CLSTN2: variants seen among roughly 807,000 people sequenced by gnomAD.
CLSTN2 encodes the protein calsyntenin 2.
A neutral mutation model predicts 101.2 loss-of-function variants in CLSTN2; 48 were observed. The ratio of observed to expected loss-of-function variants is 0.47; its 90% CI spans 0.38 to 0.60. The LOEUF (loss-of-function observed/expected upper bound fraction) is 0.60, where lower values mean the gene tolerates loss of function less well. Among genes scored for constraint, CLSTN2 ranks in the 20% least tolerant of loss-of-function variants. CLSTN2 has a pLI of 0.00. For synonymous variants in CLSTN2, 481 were observed against 463.6 expected (o/e 1.04, Z -0.48); for missense variants, 1,160 against 1,238.2 (o/e 0.94, Z 0.95).
intron 2 of CLSTN2, among the ~76,000 whole-genome samples, chr3:140,383,664 A>G (rs903879660): frequency 1.4e-4 from 21 of 152,202 alleles, no homozygotes; most frequent in Non-Finnish European, 7.3e-5. Context: ...GCCTTCTACA[A>G]ATATCCACTA....
intron 2 of CLSTN2, among the ~76,000 whole-genome samples, chr3:140,222,255 G>A (rs2086281230): frequency 6.6e-6 from 1 of 152,112 alleles, no homozygotes; most frequent in African/African-American, 2.4e-5. Flanking sequence ...TTATTAGTAA[G>A]AGCTAAAAAT....
chr3:140,405,872 A>C (rs931748569), intron 4 of CLSTN2, among the ~76,000 whole-genome samples: 15 of 152,238 alleles, frequency 9.9e-5, no homozygotes, highest in African/African-American at 3.6e-4. Flanking sequence ...TTCCAATAAG[A>C]TTTAAGTAGC....
intron 2 of CLSTN2, among the ~76,000 whole-genome samples, chr3:140,278,356 A>G (rs563500026): frequency 6.5e-3 from 116 of 17,946 alleles, no homozygotes; most frequent in African/African-American, 0.01. Context: ...AGGGCTCAAC[A>G]CTTGAGCGAG....
chr3:140,026,318 G>A (rs993027984), intron 1 of CLSTN2, among the ~76,000 whole-genome samples: 2 of 152,168 alleles, frequency 1.3e-5, no homozygotes, highest in Non-Finnish European at 2.9e-5. Flanking sequence ...TTCCCAGACA[G>A]AAATGATATT....
rs1003110516 is a variant in CLSTN2, at chr3:139,962,284, G to A, written c.109+26801G>A. On this transcript the variant is annotated intron_variant, in intron 1 of 16. Transcript: ENST00000458420. ...CTGTCATTTTTAACAGGTTTAATTAGCATATAATAAAGTGCACATATTGAA... is the reference window on the plus strand; with the variant it reads ...CTGTCATTTTTAACAGGTTTAATTAACATATAATAAAGTGCACATATTGAA... Among the ~76,000 whole-genome samples, 8 of 152,112 alleles carry A rather than the reference G, an allele frequency of 5.3e-5. No individual in the cohort carries two copies. In the South Asian group the frequency reaches 1.5e-3, roughly 28 times the overall value.
chr3:140,197,363 A>ACATATAT (rs1397454896), intron 2 of CLSTN2, among the ~76,000 whole-genome samples: 1 of 152,222 alleles, frequency 6.6e-6, no homozygotes, highest in Non-Finnish European at 1.5e-5. Context: ...GGGGGACTAT[A>ACATATAT]CATATATGTG....
Position 140,404,509 on chromosome 3 carries a change from T to C in CLSTN2, c.429-49T>C, listed in dbSNP as rs761552233. On this transcript the variant is annotated intron_variant, in intron 3 of 16. Coordinates refer to ENST00000458420, the MANE Select transcript of CLSTN2 (RefSeq NM_022131.3). ...GCCCCCAGGAGGTACAGGAGGTTGG[T>C]GTGACTCTTTCTTTACCACCATCCC... 291 of 1,564,906 alleles carry C rather than the reference T, an allele frequency of 1.9e-4. 3 individuals carry two copies. In the Admixed American group the frequency reaches 4.7e-3, roughly 25 times the overall value.
At chr3:139,955,965 G>T (rs182746104) in intron 1 of CLSTN2, among the ~76,000 whole-genome samples, 129 of 152,266 alleles carry the variant, frequency 8.5e-4, no homozygotes, top group African/African-American at 2.2e-3. Context: ...ACATATCTTC[G>T]TTAAGTTGCA....
intron 7 of CLSTN2, 113 bp from the exon 8 acceptor site, chr3:140,466,497 G>A: frequency 8.3e-7 from 1 of 1,203,706 alleles, no homozygotes; most frequent in Middle Eastern, 2.2e-4. Flanking sequence ...GAAGACTGGA[G>A]TGCCCATGCC....
chr3:140,054,425 GA>G (rs199906366), intron 1 of CLSTN2, among the ~76,000 whole-genome samples: 11 of 150,954 alleles, frequency 7.3e-5, no homozygotes, highest in Admixed American at 2.6e-4. Context: ...AGATATCTGT[GA>G]AAAAAAAATG....
At chr3:140,514,873 G>A (rs1934886818) in intron 8 of CLSTN2, among the ~76,000 whole-genome samples, 1 of 152,050 alleles carries the variant, frequency 6.6e-6, no homozygotes, top group Non-Finnish European at 1.5e-5. Context: ...AGATATTAGG[G>A]TGACACTAGC....
At chr3:140,180,445 T>C (rs1028973499) in intron 2 of CLSTN2, among the ~76,000 whole-genome samples, 6 of 152,214 alleles carry the variant, frequency 3.9e-5, no homozygotes, top group African/African-American at 1.4e-4. Context: ...GTCTGAGCTC[T>C]GTAGATTTGA....
At position 140,292,984 on chromosome 3, in the gene CLSTN2, G is replaced by A. The variant is rs894768650; in HGVS notation, c.233-110645G>A. 3.9e-5 allele frequency among the ~76,000 whole-genome samples: 6 copies of A among 152,286 alleles called. No homozygotes were observed. The East Asian group carries it at 9.7e-4, about 25-fold the overall frequency. Reference sequence around the variant, plus strand: ...CAGGCAGTTAGTAAACTGTCCCTGCGGACTTAGAGTAGACGTGAGATAAAC... The same window carrying A: ...CAGGCAGTTAGTAAACTGTCCCTGCAGACTTAGAGTAGACGTGAGATAAAC... On this transcript the variant is annotated intron_variant, in intron 2 of 16. Coordinates refer to ENST00000458420, the MANE Select transcript of CLSTN2 (RefSeq NM_022131.3).
intron 4 of CLSTN2, among the ~76,000 whole-genome samples, chr3:140,419,252 G>T (rs974336068): frequency 6.6e-6 from 1 of 150,924 alleles, no homozygotes; most frequent in African/African-American, 2.4e-5. Context: ...GGAGGATGAG[G>T]CAGGTGGATC....
At chr3:140,264,028 T>A (rs2086674976) in intron 2 of CLSTN2, among the ~76,000 whole-genome samples, 1 of 152,126 alleles carries the variant, frequency 6.6e-6, no homozygotes, top group African/African-American at 2.4e-5. Context: ...TCACAGTTAT[T>A]TGTAGGCATG....
intron 2 of CLSTN2, among the ~76,000 whole-genome samples, chr3:140,207,661 G>GA (rs1187749457): frequency 6.6e-6 from 1 of 152,094 alleles, no homozygotes; most frequent in African/African-American, 2.4e-5. Flanking sequence ...TGTGCCTATT[G>GA]AAAATCCTCC....
chr3:140,302,860 A>T (rs905306360), intron 2 of CLSTN2, among the ~76,000 whole-genome samples: 3 of 152,160 alleles, frequency 2.0e-5, no homozygotes, highest in Non-Finnish European at 2.9e-5. Context: ...GTGTGGAGTC[A>T]GGTGGGCTCA....
At chr3:140,202,803 C>T (rs987648296) in intron 2 of CLSTN2, among the ~76,000 whole-genome samples, 3 of 152,086 alleles carry the variant, frequency 2.0e-5, no homozygotes, top group South Asian at 2.1e-4. Flanking sequence ...ATAGAAGGAG[C>T]GTGGAAGAGA....
chr3:140,283,435 T>C (rs2086866826), intron 2 of CLSTN2, among the ~76,000 whole-genome samples: 1 of 152,178 alleles, frequency 6.6e-6, no homozygotes, highest in Admixed American at 6.5e-5. Context: ...AGGTGATTCA[T>C]GCTTCCCTTT....
Sources: gnomAD v4.1 joint callset for allele counts (sites outside exome capture counted in the v4.1 genomes callset) on GRCh38, gnomAD v4.1.1 for gene constraint, MANE v1.5 for transcripts, NCBI Gene and HGNC (gene_info 2026-07-23, HGNC 2026-07-21) for gene names.